The following SMTN variants were observed in gnomAD, a reference collection of about 807,000 sequenced individuals.
SMTN encodes the protein smoothelin.
SMTN carries 58 observed loss-of-function variants against 102.0 expected under a neutral mutation model. That is an observed-to-expected ratio of 0.57 (90% CI 0.46 to 0.71). The LOEUF (loss-of-function observed/expected upper bound fraction) is 0.71, where lower values mean the gene tolerates loss of function less well. Among genes scored for constraint, SMTN ranks in the 30% least tolerant of loss-of-function variants. SMTN has a pLI of 0.00. For synonymous variants in SMTN, 478 were observed against 497.9 expected (o/e 0.96, Z 0.53); for missense variants, 1,185 against 1,241.7 (o/e 0.95, Z 0.69).
chr22:31,082,925 G>C, intron 1 of SMTN: 1 of 1,539,584 alleles, frequency 6.5e-7, no homozygotes, highest in Non-Finnish European at 8.8e-7. Flanking sequence ...GACAGGATGA[G>C]AGTCCATCCC....
rs369594887 is a variant in SMTN at position 31,100,942 on chromosome 22, G to A, written c.2661G>A (p.Glu887=). The A allele has an allele frequency of 6.2e-7, 1 of 1,612,754 alleles. No homozygotes were observed. The change falls in exon 20 of 21, where the codon GAG becomes GAA. Residue 887 remains glutamate, a synonymous_variant. Coordinates refer to ENST00000333137, the MANE Select transcript of SMTN (RefSeq NM_134269.3). ...LDTEDMVRLR[E]PDWKCVYTYI... is the part of the protein sequence containing the mutation. ...CAGAGGACATGGTGCGGCTTCGAGA[G>A]CCTGACTGGAAGTGCGTGTACACGT...
rs2043667981 is a variant in SMTN at position 31,097,259 on chromosome 22, T to C, written c.2090-10T>C. The C allele has an allele frequency of 1.2e-6, 2 of 1,613,668 alleles. No homozygotes were observed. Among genetic ancestry groups the C allele is most frequent in the Non-Finnish European group, 1.7e-6 (2 of 1,179,610 alleles). On this transcript the variant is annotated splice_polypyrimidine_tract_variant and intron_variant, in intron 15 of 20. Transcript: ENST00000333137. ...GGCCCTCACCTGGTGCCCCTTCCCC[T>C]TTTTTGCAGATGGCAGTGGCAGCAC...
At chr22:31,073,225 C>T (rs1466740175) in intron 1 of SMTN, among the ~76,000 whole-genome samples, 4 of 144,412 alleles carry the variant, frequency 2.8e-5, no homozygotes, top group Non-Finnish European at 4.5e-5. Flanking sequence ...CTCCAACTCC[C>T]ACCACACATA....
In SMTN at chr22:31,088,785, G is replaced by T. The variant is rs1259449794; in HGVS notation, c.373+8G>T. On this transcript the variant is annotated splice_region_variant and intron_variant, in intron 5 of 20. Transcript: ENST00000333137. ...GGGCTCAGGAGATTGAGGGTATGTG[G>T]CCTGTCCCGGCCCCACCCCTGCCCT... 1.2e-6 allele frequency: 2 copies of T among 1,611,480 alleles called. No homozygotes were observed. Among genetic ancestry groups the T allele is most frequent in the Non-Finnish European group, 1.7e-6 (2 of 1,178,750 alleles).
At chr22:31,098,112 G>A (rs1188351819) in intron 16 of SMTN, among the ~76,000 whole-genome samples, 1 of 152,188 alleles carries the variant, frequency 6.6e-6, no homozygotes, top group Non-Finnish European at 1.5e-5. Flanking sequence ...AGCAGGAACA[G>A]GATCAGAATC....
intron 3 of SMTN, 123 bp downstream of exon 3, chr22:31,088,236 TC>T: frequency 1.8e-6 from 2 of 1,134,284 alleles, no homozygotes; most frequent in Non-Finnish European, 2.5e-6. Flanking sequence ...TGGCAGTACG[TC>T]CACACACGCT....
Position 31,091,412 on chromosome 22 carries a change from C to G in SMTN, c.1389C>G (p.Ile463Met). The change falls in exon 10 of 21, where the codon ATC becomes ATG. Residue 463 changes from isoleucine to methionine, a missense_variant. Transcript: ENST00000333137. ...GCAGTATGAAGACCACATTCACCAT[C>G]GAGATCAAGGACGGCCGTGGCCAGG... ...PGGSMKTTFT[I>M]EIKDGRGQAS... 6.4e-7 allele frequency: 1 copy of G among 1,572,302 alleles called. No individual in the cohort carries two copies. Among genetic ancestry groups the G allele is most frequent in the Non-Finnish European group, 8.6e-7 (1 of 1,164,570 alleles).
intron 1 of SMTN, chr22:31,064,712 TTGG>T (rs2041801854): frequency 6.6e-6 from 1 of 152,162 alleles, no homozygotes; most frequent in South Asian, 2.1e-4. Context: ...TATAGTTATT[TTGG>T]TGTTTAATTT....
intron 17 of SMTN, 94 bp from the exon 18 acceptor site, chr22:31,098,968 G>A: frequency 1.3e-6 from 2 of 1,536,260 alleles, no homozygotes; most frequent in Non-Finnish European, 8.9e-7. Flanking sequence ...AAGGCCCGAA[G>A]GTCATGGAAG....
chr22:31,074,938 A>C (rs1292118239), intron 1 of SMTN, among the ~76,000 whole-genome samples: 1 of 152,146 alleles, frequency 6.6e-6, no homozygotes, highest in Non-Finnish European at 1.5e-5. Context: ...ATTTTATTAC[A>C]CCCAAGGTGG....
At chr22:31,069,576 C>T (rs1203369118) in intron 1 of SMTN, among the ~76,000 whole-genome samples, 4 of 152,148 alleles carry the variant, frequency 2.6e-5, no homozygotes, top group Admixed American at 1.3e-4. Flanking sequence ...GCTTGGTGAA[C>T]GCCTAGAGGT....
At position 31,097,016 on chromosome 22, in the gene SMTN, C is replaced by A. The variant is rs1183874722; in HGVS notation, c.2045C>A (p.Ala682Asp). 1 of 1,614,168 alleles carries A rather than the reference C, an allele frequency of 6.2e-7. No individual in the cohort carries two copies. Among genetic ancestry groups the A allele is most frequent in the Non-Finnish European group, 8.5e-7 (1 of 1,180,014 alleles). ...CCTGCAGATGATGGCACACGGACGG[C>A]CCGCACCACCACAGTGGAGTCGAGT... Reference protein sequence around the residue: ...LVHSNDGTRTARTTTVESSFV... With the variant: ...LVHSNDGTRTDRTTTVESSFV... The change falls in exon 15 of 21, where the codon GCC (alanine) becomes GAC (aspartate). Residue 682 changes from alanine to aspartate, a missense_variant. Ala to Asp is a moderately radical substitution (Grantham distance 126). This residue lies in a region of SMTN where 1,096 missense variants were observed against 1,112.7 expected (regional missense o/e 0.98). Coordinates refer to ENST00000333137, the MANE Select transcript of SMTN (RefSeq NM_134269.3).
upstream of SMTN, among the ~76,000 whole-genome samples, chr22:31,079,632 G>A (rs190396668): frequency 4.6e-3 from 695 of 152,324 alleles, 10 homozygotes; most frequent in Middle Eastern, 0.01. Flanking sequence ...CCTGACCCTC[G>A]TTCTGGATAA....
rs781010893 is a variant in SMTN at position 31,091,014 on chromosome 22, C to T, written c.991C>T (p.Arg331Trp). The change falls in exon 10 of 21, where the codon CGG (arginine) becomes TGG (tryptophan). Residue 331 changes from arginine to tryptophan, a missense_variant. Around this residue, in one of 2 missense-constraint regions of SMTN, gnomAD observed 1,096 missense variants for 1,112.7 expected, o/e 0.98. Coordinates refer to ENST00000333137, the MANE Select transcript of SMTN (RefSeq NM_134269.3). ...PSSFQRAGSV[R>W]DRVHKFTSDS... ...CTCATTCCAGCGGGCTGGCTCTGTG[C>T]GGGATCGTGTCCACAAGTTCACATC... 1.9e-5 allele frequency: 30 copies of T among 1,613,868 alleles called. No homozygotes were observed. The Admixed American group carries it at 3.7e-4, about 20-fold the overall frequency.
intron 1 of SMTN, chr22:31,082,474 C>T: frequency 2.1e-6 from 1 of 473,892 alleles, no homozygotes; most frequent in Middle Eastern, 3.3e-4. Context: ...TTGGCTTCCT[C>T]CTTGCTCAGT....
At chr22:31,082,156 G>C (rs1289503466) in intron 1 of SMTN, 1 of 184,962 alleles carries the variant, frequency 5.4e-6, no homozygotes, top group Admixed American at 5.5e-5. Flanking sequence ...AACAGGAGGT[G>C]GGGGGCAGGC....
intron 3 of SMTN, 52 bp from the exon 4 acceptor site, chr22:31,088,461 C>T: frequency 1.3e-6 from 2 of 1,519,202 alleles, no homozygotes; most frequent in African/African-American, 1.4e-5. Context: ...TAGCCCACAT[C>T]CTCCACGACC....
At chr22:31,071,239 C>CA (rs60870558) in intron 1 of SMTN, among the ~76,000 whole-genome samples, 6,601 of 115,372 alleles carry the variant, frequency 0.057, 454 homozygotes, top group East Asian at 0.41. Context: ...CACCCTGTCT[C>CA]AAAAAAAAAA....
upstream of SMTN, among the ~76,000 whole-genome samples, chr22:31,077,129 C>T (rs7284985): frequency 0.054 from 8,274 of 152,214 alleles, 254 homozygotes; most frequent in African/African-American, 0.081. Context: ...ATGTTCTGGC[C>T]GGGCGCAGTG....
Sources: allele counts gnomAD v4.1 joint callset (sites outside exome capture counted in the v4.1 genomes callset), GRCh38; gene constraint gnomAD v4.1.1; regional missense constraint gnomAD v4.1.1; transcripts MANE v1.5; gene names NCBI Gene and HGNC (gene_info 2026-07-23, HGNC 2026-07-21).